The following FLNB variants were observed in gnomAD, a reference collection of about 807,000 sequenced individuals.
FLNB encodes filamin B.
In FLNB, 111 loss-of-function variants were observed where a neutral mutation model predicts 250.6. That is an observed-to-expected ratio of 0.44 (90% CI 0.38 to 0.52). The LOEUF is 0.52. Ranked by LOEUF, FLNB falls within the 20% of genes least tolerant of loss-of-function variation. The probability of loss-of-function intolerance (pLI) is 0.00; values close to 1 mark genes in which losing one functional copy is unlikely to be tolerated. For missense variants in FLNB, 2,869 were observed against 3,447.8 expected (o/e 0.83, Z 4.20); for synonymous variants, 1,302 against 1,372.1 (o/e 0.95, Z 1.13).
intron 19 of FLNB, among the ~76,000 whole-genome samples, chr3:58,119,488 A>G (rs1053701015): frequency 6.6e-6 from 1 of 152,106 alleles, no homozygotes; most frequent in East Asian, 1.9e-4. Context: ...CCCCATCCCA[A>G]TGTTCCTTTA....
intron 1 of FLNB, among the ~76,000 whole-genome samples, chr3:58,061,267 A>G (rs987535518): frequency 2.6e-5 from 4 of 152,166 alleles, no homozygotes; most frequent in African/African-American, 9.7e-5. Context: ...CTGTACTCAA[A>G]TTTGAACCTG....
At chr3:58,165,970 G>C (rs1246970222) in intron 43 of FLNB, 2 of 152,104 alleles carry the variant, frequency 1.3e-5, no homozygotes, top group Non-Finnish European at 2.9e-5. Context: ...ACTTCTGCTT[G>C]TGGATTTTTT....
intron 40 of FLNB, 80 bp from the exon 41 acceptor site, chr3:58,155,880 C>A: frequency 1.0e-6 from 1 of 965,130 alleles, no homozygotes; most frequent in Non-Finnish European, 1.7e-6. Flanking sequence ...TCTCTGAAGG[C>A]ATTTTAGCCC....
At position 58,168,417 on chromosome 3, in the gene FLNB, C is replaced by T. The variant is rs750275004; in HGVS notation, c.7199-23C>T. ...AAAGCCCTCCAAGTCATCAACACAG[C>T]ATTTTCTATTCCTTTCTCCCAGGTA... On this transcript the variant is annotated intron_variant, in intron 43 of 45. Coordinates refer to ENST00000295956, the MANE Select transcript of FLNB (RefSeq NM_001457.4). 1.9e-6 allele frequency: 3 copies of T among 1,584,950 alleles called. No homozygotes were observed. The South Asian group carries it at 3.3e-5, about 18-fold the overall frequency.
At chr3:58,133,626 A>C (rs2097311543) in intron 26 of FLNB, among the ~76,000 whole-genome samples, 1 of 152,080 alleles carries the variant, frequency 6.6e-6, no homozygotes, top group Non-Finnish European at 1.5e-5. Flanking sequence ...AAAAGGTTTT[A>C]CATAGAAACC....
At chr3:58,140,885 A>G (rs1174612835) in intron 29 of FLNB, among the ~76,000 whole-genome samples, 3 of 152,140 alleles carry the variant, frequency 2.0e-5, no homozygotes, top group Non-Finnish European at 4.4e-5. Flanking sequence ...GATTACCGGC[A>G]TGAGCCACTG....
chr3:58,139,925 C>G (rs1208117573), intron 29 of FLNB, among the ~76,000 whole-genome samples: 1 of 152,154 alleles, frequency 6.6e-6, no homozygotes, highest in African/African-American at 2.4e-5. Context: ...ATTGAGGACC[C>G]TTTTTGCAGA....
chr3:58,123,092 G>C lies in FLNB; in HGVS notation c.3127-1G>C. The C allele has an allele frequency of 6.2e-7, 1 of 1,613,980 alleles. No homozygotes were observed. Among genetic ancestry groups the C allele is most frequent in the African/African-American group, 1.3e-5 (1 of 75,028 alleles). ...TTTGACTTTATTCTTTGCTCAAATA[G>C]GTGAAGGCCCACGGTCCCGGCCTCG... On this transcript the variant is annotated splice_acceptor_variant, in intron 20 of 45. Transcript: ENST00000295956. LOFTEE classifies it high-confidence loss of function.
At chr3:58,115,007 C>T (rs1038824337) in intron 18 of FLNB, among the ~76,000 whole-genome samples, 3 of 152,126 alleles carry the variant, frequency 2.0e-5, no homozygotes, top group Non-Finnish European at 2.9e-5. Flanking sequence ...TGCCTTTTCA[C>T]GCCGTTAACA....
chr3:58,110,226 C>A, intron 16 of FLNB, 56 bp downstream of exon 16: 1 of 1,539,742 alleles, frequency 6.5e-7, no homozygotes, highest in South Asian at 1.1e-5. Context: ...TCTCTTTGGC[C>A]ACTTGTGTGC....
chr3:58,038,281 G>T (rs1045758772), intron 1 of FLNB, among the ~76,000 whole-genome samples: 1 of 152,086 alleles, frequency 6.6e-6, no homozygotes, highest in Non-Finnish European at 1.5e-5. Flanking sequence ...CACCTGCCTT[G>T]GCCTCCCAAA....
intron 24 of FLNB, among the ~76,000 whole-genome samples, 170 bp from the exon 25 acceptor site, chr3:58,130,571 T>C (rs2097305581): frequency 6.6e-6 from 1 of 152,162 alleles, no homozygotes; most frequent in Admixed American, 6.5e-5. Context: ...TCTGTGAGAA[T>C]GGTTGACAAC....
chr3:58,170,721 G>A lies in FLNB; in HGVS notation c.7768G>A (p.Glu2590Lys), dbSNP rs2097381302. The A allele has an allele frequency of 1.2e-6, 2 of 1,614,162 alleles. No homozygotes were observed. Among genetic ancestry groups the A allele is most frequent in the Admixed American group, 1.7e-5 (1 of 60,020 alleles). Residue 2590 changes from glutamate to lysine, a missense_variant, in exon 46 of 46, where the codon GAA becomes AAA. Around this residue, in one of 5 missense-constraint regions of FLNB, gnomAD observed 1,084 missense variants for 1,315.5 expected, o/e 0.82. Coordinates refer to ENST00000295956, the MANE Select transcript of FLNB (RefSeq NM_001457.4). ...DYVLAVKWGEEHIPGSPFHVT... is the reference protein window; with the variant it reads ...DYVLAVKWGEKHIPGSPFHVT... The stretch of plus-strand genomic sequence containing the variant: ...TGTGCTGGCTGTGAAGTGGGGGGAG[G>A]AACACATCCCTGGCAGCCCTTTTCA...
chr3:58,155,322 A>G (rs1222789690), intron 40 of FLNB, among the ~76,000 whole-genome samples: 1 of 152,262 alleles, frequency 6.6e-6, no homozygotes, highest in East Asian at 1.9e-4. Flanking sequence ...GGCGAAGCCT[A>G]TGGGGACTGT....
intron 4 of FLNB, among the ~76,000 whole-genome samples, chr3:58,083,365 GTC>G (rs2097212052): frequency 8.2e-6 from 1 of 121,626 alleles, no homozygotes; most frequent in Non-Finnish European, 1.7e-5. Context: ...TATCAGCTTA[GTC>G]TTTTTTTTTT....
At position 58,150,179 on chromosome 3, in the gene FLNB, T is replaced by C. The variant is rs780476043; in HGVS notation, c.6319T>C (p.Ser2107Pro). Residue 2107 changes from serine (S) to proline (P), a missense_variant, in exon 38 of 46, where the codon TCC becomes CCC. Transcript: ENST00000295956. ...CATCACCCGCACCAGTCGGGCCCCGTCCGTGGCCACTGTCGGGAGCATTTG... is the reference window on the plus strand; with the variant it reads ...CATCACCCGCACCAGTCGGGCCCCGCCCGTGGCCACTGTCGGGAGCATTTG... The part of the protein sequence containing the change: ...ESITRTSRAP[S>P]VATVGSICDL... 1 of 1,614,184 alleles carries C rather than the reference T, an allele frequency of 6.2e-7. No individual in the cohort carries two copies. The highest frequency in any genetic ancestry group is 1.1e-5 in the South Asian group (1 of 91,074).
chr3:58,104,784 C>A (rs1261904532), intron 10 of FLNB, among the ~76,000 whole-genome samples: 1 of 152,166 alleles, frequency 6.6e-6, no homozygotes, highest in African/African-American at 2.4e-5. Flanking sequence ...GGGTCATAGT[C>A]TGGGGAGGCC....
intron 32 of FLNB, 109 bp from the exon 33 acceptor site, chr3:58,145,812 T>C: frequency 7.4e-7 from 1 of 1,359,890 alleles, no homozygotes; most frequent in Non-Finnish European, 1.1e-6. Flanking sequence ...TGCCTCTGCT[T>C]AGGAGGCGCC....
intron 43 of FLNB, 108 bp from the exon 44 acceptor site, chr3:58,168,332 G>A (rs1392279968): frequency 2.3e-6 from 2 of 855,360 alleles, no homozygotes; most frequent in Admixed American, 2.0e-5. Context: ...ATGCCACCAG[G>A]GTGAGCCCTC....
Sources: allele counts gnomAD v4.1 joint callset (sites outside exome capture counted in the v4.1 genomes callset), GRCh38; gene constraint gnomAD v4.1.1; regional missense constraint gnomAD v4.1.1; transcripts MANE v1.5; gene names NCBI Gene and HGNC (gene_info 2026-07-23, HGNC 2026-07-21).